The following IARS2 variants were observed in gnomAD, a reference collection of about 807,000 sequenced individuals.
The protein encoded by IARS2 is isoleucyl-tRNA synthetase 2, mitochondrial.
IARS2 carries 56 observed loss-of-function variants against 126.3 expected under a neutral mutation model. The observed-to-expected ratio is 0.44, with a 90% confidence interval of 0.36 to 0.55. The LOEUF is 0.55. Ranked by LOEUF, IARS2 falls within the 20% of genes least tolerant of loss-of-function variation. The pLI is 0.00. For missense variants in IARS2, 1,127 were observed against 1,245.9 expected, an observed-to-expected ratio of 0.90 and a Z score of 1.44; for synonymous variants, 407 against 441.1, an observed-to-expected ratio of 0.92 and a Z score of 0.97.
At chr1:220,100,207 A>G (rs950847391) in intron 2 of IARS2, among the ~76,000 whole-genome samples, 1 of 152,342 alleles carries the variant, frequency 6.6e-6, no homozygotes, top group African/African-American at 2.4e-5. Flanking sequence ...ACAATATTCC[A>G]TTCTCTGAGT....
chr1:220,120,976 A>G (rs1372679117), intron 12 of IARS2, among the ~76,000 whole-genome samples: 2 of 152,184 alleles, frequency 1.3e-5, no homozygotes, highest in Non-Finnish European at 2.9e-5. Context: ...CTTGCTCTCT[A>G]AATATTAGTG....
intron 14 of IARS2, among the ~76,000 whole-genome samples, chr1:220,128,033 C>T (rs1004530463): frequency 1.3e-5 from 2 of 152,104 alleles, no homozygotes; most frequent in Non-Finnish European, 2.9e-5. Context: ...GATGGCCCCA[C>T]AAGATGATAA....
intron 12 of IARS2, among the ~76,000 whole-genome samples, chr1:220,120,565 C>T (rs1335317295): frequency 6.6e-6 from 1 of 151,660 alleles, no homozygotes; most frequent in Non-Finnish European, 1.5e-5. Context: ...TTGTAGAGAC[C>T]GGGTTTTGCC....
chr1:220,100,856 T>G (rs1656556211), intron 3 of IARS2, among the ~76,000 whole-genome samples: 1 of 152,228 alleles, frequency 6.6e-6, no homozygotes, highest in South Asian at 2.1e-4. Context: ...AGGAAAGACT[T>G]TGTGAGCATT....
intron 14 of IARS2, among the ~76,000 whole-genome samples, chr1:220,133,872 A>C (rs1256258777): frequency 4.6e-5 from 7 of 152,098 alleles, no homozygotes; most frequent in Non-Finnish European, 5.9e-5. Context: ...CAACACAGAT[A>C]TCAAAATTAG....
At chr1:220,146,783 TGCCTCA>T (rs958932815) in intron 22 of IARS2, among the ~76,000 whole-genome samples, 11 of 152,150 alleles carry the variant, frequency 7.2e-5, no homozygotes, top group African/African-American at 2.7e-4. Context: ...GCAATTCTCT[TGCCTCA>T]GCCTCCCAAG....
chr1:220,148,006 C>T lies in IARS2; in HGVS notation c.*371C>T, dbSNP rs1460668827. On this transcript the variant is annotated 3_prime_UTR_variant, in exon 23 of 23. Transcript: ENST00000366922. ...CATCTTTTGACTCTGTATTTAAATT[C>T]TATGATACTGAAAATAAAGGCATTC... 1 of 382,522 alleles carries T rather than the reference C, an allele frequency of 2.6e-6. No individual in the cohort carries two copies. The highest frequency in any genetic ancestry group is 2.1e-5 in the African/African-American group (1 of 48,272). 23.7% of individuals were successfully genotyped at this position (382,522 alleles called of 1,614,324 possible). A position where few individuals can be genotyped will look rare whatever the true frequency, so the allele number is the denominator to read the frequency against.
intron 21 of IARS2, chr1:220,144,356 TG>T: frequency 1.5e-6 from 1 of 672,726 alleles, no homozygotes; most frequent in Non-Finnish European, 2.6e-6. Context: ...ACCATTGTGG[TG>T]GTGCAGAAAG....
chr1:220,147,681 A>G lies in IARS2; in HGVS notation c.*46A>G, dbSNP rs11095. On this transcript the variant is annotated 3_prime_UTR_variant, in exon 23 of 23. Coordinates refer to ENST00000366922, the MANE Select transcript of IARS2 (RefSeq NM_018060.4). ...AAGAACCCTCCTGACAGTACTGGCT[A>G]GAAGTTTGGATGGATTATTTACAAT... The G allele has an allele frequency of 0.18, 287,604 of 1,589,824 alleles. 27,682 individuals are homozygous for G. The highest frequency in any genetic ancestry group is 0.29 in the Admixed American group (16,508 of 57,718).
At position 220,145,646 on chromosome 1, in the gene IARS2, C is replaced by T. The variant is rs1427235344; in HGVS notation, c.2889C>T (p.Asn963=). The T allele has an allele frequency of 6.2e-7, 1 of 1,611,284 alleles. No individual in the cohort carries two copies. Among genetic ancestry groups the T allele is most frequent in the Non-Finnish European group, 8.5e-7 (1 of 1,178,388 alleles). ...AGCTTAAAGGGAAATTCCTCATCAA[C>T]TTAGAAGGTAAGAAGGAGATGAAAG... The part of the protein sequence containing the change: ...VIELKGKFLI[N]LEGGDIREES... The change falls in exon 22 of 23, where the codon AAC becomes AAT. Residue 963 remains asparagine, a synonymous_variant. Transcript: ENST00000366922.
chr1:220,119,889 A>G (rs1656890120), intron 12 of IARS2, among the ~76,000 whole-genome samples: 1 of 152,154 alleles, frequency 6.6e-6, no homozygotes, highest in Non-Finnish European at 1.5e-5. Flanking sequence ...TGTTTGTCAC[A>G]TCTCTATAAT....
chr1:220,110,741 C>T, intron 10 of IARS2, 45 bp from the exon 11 acceptor site: 1 of 1,425,374 alleles, frequency 7.0e-7, no homozygotes, highest in Non-Finnish European at 9.7e-7. Flanking sequence ...AGGATTTTCA[C>T]AGTACTTTTT....
intron 11 of IARS2, among the ~76,000 whole-genome samples, chr1:220,111,598 A>ATATATATATATATATGTG (rs374024744): frequency 3.0e-5 from 4 of 134,838 alleles, no homozygotes; most frequent in African/African-American, 1.1e-4. Context: ...ATATATATAT[A>ATATATATATATATATGTG]TGTGTGTGTG....
Position 220,107,080 on chromosome 1 carries a change from A to G in IARS2, c.1256A>G (p.Asp419Gly), listed in dbSNP as rs765057802. ...TTATAGGATTGTCTAGTGGACGAAG[A>G]TGGAGTTTTCACAGATGTTGCAGGT... ...NLPMDCLVDE[D>G]GVFTDVAGPE... Residue 419 changes from aspartate to glycine, a missense_variant, in exon 10 of 23, where the codon GAT (aspartate) becomes GGT (glycine). Asp to Gly is a moderately conservative substitution (Grantham distance 94, BLOSUM62 -1). Coordinates refer to ENST00000366922, the MANE Select transcript of IARS2 (RefSeq NM_018060.4). 2.5e-6 allele frequency: 4 copies of G among 1,611,876 alleles called. No homozygotes were observed. The highest frequency in any genetic ancestry group is 3.4e-6 in the Non-Finnish European group (4 of 1,177,958).
chr1:220,095,907 T>C (rs1417335985), intron 1 of IARS2, among the ~76,000 whole-genome samples, 197 bp from the exon 2 acceptor site: 1 of 152,200 alleles, frequency 6.6e-6, no homozygotes, highest in African/African-American at 2.4e-5. Context: ...GGGACATTAC[T>C]GAAAGATTTT....
intron 2 of IARS2, among the ~76,000 whole-genome samples, chr1:220,098,186 C>T (rs929920946): frequency 6.6e-6 from 1 of 152,126 alleles, no homozygotes; most frequent in Non-Finnish European, 1.5e-5. Flanking sequence ...TGCACCCGGC[C>T]AAAACAGTGG....
intron 14 of IARS2, among the ~76,000 whole-genome samples, chr1:220,127,819 G>A (rs1359019137): frequency 6.6e-6 from 1 of 152,084 alleles, no homozygotes; most frequent in African/African-American, 2.4e-5. Flanking sequence ...TCTATTACAA[G>A]TAAAATGTGC....
chr1:220,122,711 A>G (rs1355794842), intron 12 of IARS2, among the ~76,000 whole-genome samples: 1 of 152,244 alleles, frequency 6.6e-6, no homozygotes, highest in East Asian at 1.9e-4. Flanking sequence ...GTACGTATAT[A>G]CATAGTTTTG....
rs750528193 is a variant in IARS2 at position 220,102,478 on chromosome 1, A to T, written c.750-17A>T. The T allele has an allele frequency of 1.9e-6, 3 of 1,611,234 alleles. No homozygotes were observed. In the South Asian group the frequency reaches 3.3e-5, roughly 18 times the overall value. On this transcript the variant is annotated splice_polypyrimidine_tract_variant and intron_variant, in intron 5 of 22. Transcript: ENST00000366922. ...TGAGGCTTCCAAGTATTTATGTTTA[A>T]TATTTTTAACCCTTAGGACTGCATT...
Sources: allele counts gnomAD v4.1 joint callset (sites outside exome capture counted in the v4.1 genomes callset), GRCh38; gene constraint gnomAD v4.1.1; transcripts MANE v1.5; gene names NCBI Gene and HGNC (gene_info 2026-07-23, HGNC 2026-07-21).